Variants in CATSPERE observed in about 807,000 individuals in gnomAD.
CATSPERE encodes cation channel sperm-associated auxiliary subunit epsilon.
A neutral mutation model predicts 114.1 loss-of-function variants in CATSPERE; 93 were observed. The observed-to-expected ratio is 0.81, with a 90% CI of 0.69 to 0.97. CATSPERE has a LOEUF of 0.97. Among genes scored for constraint, CATSPERE ranks in the 50% least tolerant of loss-of-function variants. CATSPERE has a pLI of 0.00. For missense variants in CATSPERE, 1,058 were observed against 1,131.6 expected (o/e 0.93, Z 0.93); for synonymous variants, 341 against 384.1 (o/e 0.89, Z 1.31).
At chr1:244,481,348 G>A (rs912081804) in intron 5 of CATSPERE, among the ~76,000 whole-genome samples, 2 of 152,196 alleles carry the variant, frequency 1.3e-5, no homozygotes, top group Admixed American at 1.3e-4. Flanking sequence ...CTACTCGGGA[G>A]GCTGAGGGAG....
chr1:244,464,050 C>A, intron 2 of CATSPERE, 94 bp downstream of exon 2: 3 of 874,632 alleles, frequency 3.4e-6, no homozygotes, highest in South Asian at 3.0e-5. Context: ...GTTTTACAGT[C>A]ATTGTCACTC....
rs1373492308 is a variant in CATSPERE, at chr1:244,565,746, TCA to T, written c.1507+4602_1507+4603del. 2.2e-3 allele frequency among the ~76,000 whole-genome samples: 341 copies of T among 152,154 alleles called. 1 individual carries two copies. The highest frequency in any genetic ancestry group is 7.9e-3 in the African/African-American group (327 of 41,526). On this transcript the variant is annotated intron_variant, in intron 10 of 21. Coordinates refer to ENST00000366534, the MANE Select transcript of CATSPERE (RefSeq NM_001130957.2). Reference sequence around the variant, plus strand: ...TCATAGATTTCATAGATTCATAGATTCATAGATTTCAAGATTCATAGATTCTT... The same window carrying T: ...TCATAGATTTCATAGATTCATAGATTTAGATTTCAAGATTCATAGATTCTT...
intron 20 of CATSPERE, among the ~76,000 whole-genome samples, chr1:244,621,043 T>C (rs1672054240): frequency 1.5e-5 from 1 of 66,248 alleles, no homozygotes; most frequent in African/African-American, 8.4e-5. Flanking sequence ...ATATAAAATA[T>C]ATATATAAAT....
At chr1:244,507,655 T>G (rs1041831903) in intron 7 of CATSPERE, among the ~76,000 whole-genome samples, 1 of 152,202 alleles carries the variant, frequency 6.6e-6, no homozygotes, top group Non-Finnish European at 1.5e-5. Flanking sequence ...TGAGTTGATA[T>G]ATATATAGTG....
chr1:244,515,816 C>A (rs1676514665), intron 7 of CATSPERE, among the ~76,000 whole-genome samples: 1 of 150,622 alleles, frequency 6.6e-6, no homozygotes, highest in Non-Finnish European at 1.5e-5. Context: ...TTTTTAATAA[C>A]AATACTATTA....
At chr1:244,477,476 A>G in intron 2 of CATSPERE, 65 bp from the exon 3 acceptor site, 1 of 867,584 alleles carries the variant, frequency 1.2e-6, no homozygotes, top group South Asian at 1.5e-5. Flanking sequence ...TGAATCCTAC[A>G]ACGGAACCCT....
chr1:244,593,458 A>G, intron 16 of CATSPERE, 30 bp downstream of exon 16: 1 of 1,613,726 alleles, frequency 6.2e-7, no homozygotes, highest in Non-Finnish European at 8.5e-7. Context: ...CTGTCAATGG[A>G]CCAAATATAT....
chr1:244,627,765 C>T (rs1201912241), intron 20 of CATSPERE, among the ~76,000 whole-genome samples: 1 of 152,204 alleles, frequency 6.6e-6, no homozygotes, highest in Non-Finnish European at 1.5e-5. Flanking sequence ...TGCTATTTCT[C>T]CTTATCCACA....
At chr1:244,615,775 G>A (rs1320073536) in intron 19 of CATSPERE, among the ~76,000 whole-genome samples, 1 of 151,874 alleles carries the variant, frequency 6.6e-6, no homozygotes, top group Non-Finnish European at 1.5e-5. Context: ...GTAAGTAACG[G>A]CAGGCATAAT....
intron 8 of CATSPERE, among the ~76,000 whole-genome samples, chr1:244,528,769 C>A (rs1379428409): frequency 6.8e-6 from 1 of 146,024 alleles, no homozygotes; most frequent in African/African-American, 2.6e-5. Flanking sequence ...CTACTCTCCC[C>A]CACAACAATC....
chr1:244,529,207 T>C (rs1679204480), intron 8 of CATSPERE, among the ~76,000 whole-genome samples: 1 of 152,250 alleles, frequency 6.6e-6, no homozygotes, highest in African/African-American at 2.4e-5. Context: ...CTGGGATTGC[T>C]GGATCATATG....
rs61325021 is a variant in CATSPERE at position 244,625,432 on chromosome 1, A to AT, written c.2648+7761dup. Among the ~76,000 whole-genome samples the AT allele has an allele frequency of 1.0e-3, 4 of 3,986 alleles. 1 individual carries two copies. Among genetic ancestry groups the AT allele is most frequent in the African/African-American group, 2.8e-3 (4 of 1,434 alleles). The allele number at this position is 3,986 out of a possible 152,430, so 2.6% of individuals were successfully genotyped here. On this transcript the variant is annotated intron_variant, in intron 20 of 21. Coordinates refer to ENST00000366534, the MANE Select transcript of CATSPERE (RefSeq NM_001130957.2). ...TATATATATATATATATATATATATATTTTTTTTTTTTTTTGAGATGGAGT... is the reference window on the plus strand; with the variant it reads ...TATATATATATATATATATATATATATTTTTTTTTTTTTTTTGAGATGGAGT...
At chr1:244,564,815 T>C (rs1038595990) in intron 10 of CATSPERE, among the ~76,000 whole-genome samples, 4 of 152,232 alleles carry the variant, frequency 2.6e-5, no homozygotes, top group African/African-American at 9.6e-5. Context: ...AAGGCATCCT[T>C]GTCTTGTGCC....
At position 244,532,543 on chromosome 1, in the gene CATSPERE, CCTT is replaced by C. The variant is rs1444542254; in HGVS notation, c.536+13849_536+13851del. 2.6e-5 allele frequency among the ~76,000 whole-genome samples: 4 copies of C among 151,996 alleles called. No individual in the cohort carries two copies. The South Asian group carries it at 8.3e-4, about 32-fold the overall frequency. On this transcript the variant is annotated intron_variant, in intron 8 of 21. Coordinates refer to ENST00000366534, the MANE Select transcript of CATSPERE (RefSeq NM_001130957.2). ...ATTTGGTTCAAGAAATATTTCAAAT[CCTT>C]CTTTCATCCGTGCCTGTTGTCTGAA...
intron 9 of CATSPERE, among the ~76,000 whole-genome samples, chr1:244,557,532 C>CATTTATAT (rs1661778282): frequency 4.9e-5 from 2 of 40,640 alleles, no homozygotes; most frequent in Non-Finnish European, 6.3e-5. Context: ...TTGAAATATT[C>CATTTATAT]ATATATATAT....
At chr1:244,506,425 T>C (rs1674823629) in intron 7 of CATSPERE, among the ~76,000 whole-genome samples, 1 of 152,178 alleles carries the variant, frequency 6.6e-6, no homozygotes, top group South Asian at 2.1e-4. Flanking sequence ...ATGGAACTGC[T>C]AGATCCCATG....
intron 9 of CATSPERE, among the ~76,000 whole-genome samples, chr1:244,556,924 AT>A (rs112602349): frequency 0.13 from 20,200 of 150,786 alleles, 2,411 homozygotes; most frequent in African/African-American, 0.32. Context: ...GCATAAAAGA[AT>A]TTTTTTTTTA....
intron 8 of CATSPERE, among the ~76,000 whole-genome samples, chr1:244,535,821 C>T (rs1680300037): frequency 6.6e-6 from 1 of 152,110 alleles, no homozygotes; most frequent in South Asian, 2.1e-4. Flanking sequence ...CTTCCTTCTG[C>T]TTTTCTCAAG....
intron 7 of CATSPERE, among the ~76,000 whole-genome samples, chr1:244,516,513 A>G (rs1371366400): frequency 6.6e-6 from 1 of 151,506 alleles, no homozygotes; most frequent in Non-Finnish European, 1.5e-5. Context: ...GTGCCATGCT[A>G]AAAGGGTTTT....
Sources: gnomAD v4.1 joint callset for allele counts (sites outside exome capture counted in the v4.1 genomes callset) on GRCh38, gnomAD v4.1.1 for gene constraint, MANE v1.5 for transcripts, NCBI Gene and HGNC (gene_info 2026-07-23, HGNC 2026-07-21) for gene names.